The following ACP4 variants were observed in gnomAD, a reference collection of about 807,000 sequenced individuals.
ACP4 encodes the protein acid phosphatase 4, also known as testicular acid phosphatase.
A neutral mutation model predicts 47.3 loss-of-function variants in ACP4; 49 were observed. The observed-to-expected ratio is 1.04, with a 90% CI of 0.82 to 1.32. The LOEUF (loss-of-function observed/expected upper bound fraction) is 1.32, where lower values mean the gene tolerates loss of function less well. ACP4 is among the 40% of genes most tolerant of loss of function. The pLI is 0.00. For missense variants in ACP4, 594 were observed against 579.3 expected (o/e 1.03, Z -0.26); for synonymous variants, 299 against 265.3 (o/e 1.13, Z -1.23).
intron 6 of ACP4, 192 bp downstream of exon 6, chr19:50,792,529 C>T: frequency 3.3e-6 from 2 of 613,068 alleles, no homozygotes; most frequent in South Asian, 2.0e-5. Context: ...ATGGGTTAAT[C>T]CACGCACTGT....
chr19:50,792,164 G>A lies in ACP4; in HGVS notation c.542G>A (p.Gly181Asp), dbSNP rs1469927346. 6.2e-7 allele frequency: 1 copy of A among 1,610,184 alleles called. No individual in the cohort carries two copies. Among genetic ancestry groups the A allele is most frequent in the East Asian group, 2.2e-5 (1 of 44,850 alleles). ...GCCGAGTACCAGGAGGCCCTGGAGGGCTGGACGGTGAGCAGGGCGGCGGTG... is the reference window on the plus strand; with the variant it reads ...GCCGAGTACCAGGAGGCCCTGGAGGACTGGACGGTGAGCAGGGCGGCGGTG... The part of the protein sequence containing the change: ...EAAEYQEALE[G>D]WTGFLSRLEN... The change falls in exon 5 of 11, where the codon GGC (glycine) becomes GAC (aspartate). Residue 181 changes from glycine to aspartate, a missense_variant. Coordinates refer to ENST00000270593, the MANE Select transcript of ACP4 (RefSeq NM_033068.3).
intron 6 of ACP4, chr19:50,793,405 C>T (rs1345583230): frequency 1.9e-5 from 8 of 431,500 alleles, no homozygotes; most frequent in Non-Finnish European, 3.3e-5. Flanking sequence ...ATCACAGCTA[C>T]TTGGGAGGCT....
intron 9 of ACP4, 100 bp from the exon 10 acceptor site, chr19:50,794,686 G>A (rs927130722): frequency 1.9e-6 from 3 of 1,588,522 alleles, no homozygotes; most frequent in East Asian, 4.5e-5. Context: ...TGCATGGGAT[G>A]ATGCTGGGAG....
Position 50,793,920 on chromosome 19 carries a change from T to C in ACP4, c.811T>C (p.Ser271Pro), listed in dbSNP as rs745794520. 3.1e-6 allele frequency: 5 copies of C among 1,614,014 alleles called. No homozygotes were observed. Among genetic ancestry groups the C allele is most frequent in the Non-Finnish European group, 4.2e-6 (5 of 1,180,036 alleles). Reference protein sequence around the residue: ...ILLNAILANFSRVQRLGLPLK... With the variant: ...ILLNAILANFPRVQRLGLPLK... ...GCTGAATGCTATCCTTGCAAACTTC[T>C]CCCGGGTCCAGCGCCTGGGGCTGCC... The change falls in exon 8 of 11, where the codon TCC becomes CCC. Residue 271 changes from serine (S) to proline (P), a missense_variant. Ser to Pro is a moderately conservative substitution (Grantham distance 74, BLOSUM62 -1). Coordinates refer to ENST00000270593, the MANE Select transcript of ACP4 (RefSeq NM_033068.3).
chr19:50,790,902 C>T, intron 3 of ACP4, 42 bp downstream of exon 3: 2 of 1,512,062 alleles, frequency 1.3e-6, no homozygotes, highest in Non-Finnish European at 1.8e-6. Flanking sequence ...TGACCTCCCA[C>T]CTGTGACCTC....
chr19:50,790,758 G>T lies in ACP4; in HGVS notation c.217-16G>T. ...GAGGGGTGGGGAGTGGTAGGCTGAGGCTGTTCTGTCCCCAGGAGGGGGTCC... is the reference window on the plus strand; with the variant it reads ...GAGGGGTGGGGAGTGGTAGGCTGAGTCTGTTCTGTCCCCAGGAGGGGGTCC... On this transcript the variant is annotated splice_polypyrimidine_tract_variant and intron_variant, in intron 2 of 10. Coordinates refer to ENST00000270593, the MANE Select transcript of ACP4 (RefSeq NM_033068.3). 1 of 1,546,124 alleles carries T rather than the reference G, an allele frequency of 6.5e-7. No homozygotes were observed. The highest frequency in any genetic ancestry group is 8.7e-7 in the Non-Finnish European group (1 of 1,146,016).
chr19:50,791,829 G>C, intron 4 of ACP4, 27 bp downstream of exon 4: 1 of 1,566,928 alleles, frequency 6.4e-7, no homozygotes, highest in South Asian at 1.1e-5. Context: ...CACGTGTGGC[G>C]AGGGAGGGAG....
At chr19:50,792,547 A>C in intron 6 of ACP4, 1 of 585,844 alleles carries the variant, frequency 1.7e-6, no homozygotes. Context: ...TGTGCTTACA[A>C]TAGTGCCTGG....
At chr19:50,794,708 G>A in intron 9 of ACP4, 78 bp from the exon 10 acceptor site, 3 of 1,574,580 alleles carry the variant, frequency 1.9e-6, no homozygotes, top group Non-Finnish European at 2.6e-6. Context: ...ATGACAGGTG[G>A]GAGTCAGAAG....
chr19:50,795,012 G>A lies in ACP4; in HGVS notation c.1166-31G>A, dbSNP rs1436732398. 9 of 1,612,952 alleles carry A rather than the reference G, an allele frequency of 5.6e-6. No homozygotes were observed. In the African/African-American group the frequency reaches 8.0e-5, roughly 14 times the overall value. ...TGGGAGTGGAGGGTTGCCAAGTCCTGGCACTCACCCCCCGCGTGTTCTCCC... is the reference window on the plus strand; with the variant it reads ...TGGGAGTGGAGGGTTGCCAAGTCCTAGCACTCACCCCCCGCGTGTTCTCCC... On this transcript the variant is annotated intron_variant, in intron 10 of 10. Transcript: ENST00000270593.
At chr19:50,794,994 G>A (rs2089546048) in intron 10 of ACP4, 30 bp downstream of exon 10, 1 of 1,613,430 alleles carries the variant, frequency 6.2e-7, no homozygotes, top group Non-Finnish European at 8.5e-7. Context: ...GGGTGGGAGT[G>A]GAGGGTTGCC....
In ACP4 at chr19:50,791,755, C is replaced by A. The variant is rs149222498; in HGVS notation, c.403C>A (p.Arg135Ser). 86 of 1,612,608 alleles carry A rather than the reference C, an allele frequency of 5.3e-5. No homozygotes were observed. The highest frequency in any genetic ancestry group is 4.6e-5 in the Non-Finnish European group (54 of 1,179,710). The change falls in exon 4 of 11, where the codon CGC becomes AGC. Residue 135 changes from arginine (R) to serine (S), a missense_variant. Arg to Ser is a moderately radical substitution (Grantham distance 110). Coordinates refer to ENST00000270593, the MANE Select transcript of ACP4 (RefSeq NM_033068.3). ...GGCTGCTCCAGGGAGCCCCGAGGCC[C>A]GCTGGAGGCCGATCCCGGTGCACAC... is the stretch of plus-strand genomic sequence containing the variant. ...PEAAPGSPEARWRPIPVHTVP... is the reference protein window; with the variant it reads ...PEAAPGSPEASWRPIPVHTVP...
intron 8 of ACP4, 112 bp downstream of exon 8, chr19:50,794,082 G>A (rs1286225600): frequency 7.7e-7 from 1 of 1,293,630 alleles, no homozygotes; most frequent in Non-Finnish European, 1.1e-6. Context: ...CACTGCCTGG[G>A]GTAACCCGTA....
rs2089514154 is a variant in ACP4 at position 50,792,100 on chromosome 19, C to A, written c.478C>A (p.Pro160Thr). 3.1e-6 allele frequency: 5 copies of A among 1,599,062 alleles called. No individual in the cohort carries two copies. In the South Asian group the frequency reaches 5.6e-5, roughly 18 times the overall value. The change falls in exon 5 of 11, where the codon CCC (proline) becomes ACC (threonine). Residue 160 changes from proline to threonine, a missense_variant. Transcript: ENST00000270593. ...GCTGAGGTTCCCCATGCGCAGCTGT[C>A]CCCGATACCACGAGCTGCTGCGGGA... is the stretch of plus-strand genomic sequence containing the variant. Reference protein sequence around the residue: ...KLLRFPMRSCPRYHELLREAT... With the variant: ...KLLRFPMRSCTRYHELLREAT...
intron 4 of ACP4, 97 bp downstream of exon 4, chr19:50,791,899 C>T (rs1392426122): frequency 7.4e-6 from 11 of 1,487,562 alleles, no homozygotes; most frequent in Non-Finnish European, 9.0e-6. Context: ...AGAAGCAAGA[C>T]TGTCCTCGAG....
intron 8 of ACP4, 107 bp downstream of exon 8, chr19:50,794,077 C>G (rs2089533709): frequency 7.7e-7 from 1 of 1,303,876 alleles, no homozygotes; most frequent in African/African-American, 1.5e-5. Context: ...CAGCCCACTG[C>G]CTGGGGTAAC....
rs1029388411 is a variant in ACP4, at chr19:50,790,637, T to C, written c.155T>C (p.Met52Thr). The change falls in exon 2 of 11, where the codon ATG (methionine) becomes ACG (threonine). Residue 52 changes from methionine (M) to threonine (T), a missense_variant. Met to Thr is a moderately conservative substitution (Grantham distance 81). Coordinates refer to ENST00000270593, the MANE Select transcript of ACP4 (RefSeq NM_033068.3). The stretch of plus-strand genomic sequence containing the variant: ...CGGGCCCCGCTGGCCTCCTACCCCA[T>C]GGACCCACACAAGGAGGTGGCCTCC... ...GDRAPLASYP[M>T]DPHKEVASTL... 9 of 1,545,310 alleles carry C rather than the reference T, an allele frequency of 5.8e-6. No individual in the cohort carries two copies. Among genetic ancestry groups the C allele is most frequent in the Non-Finnish European group, 7.9e-6 (9 of 1,145,214 alleles).
At chr19:50,792,535 A>G in intron 6 of ACP4, 198 bp downstream of exon 6, 1 of 606,542 alleles carries the variant, frequency 1.6e-6, no homozygotes, top group Non-Finnish European at 2.9e-6. Flanking sequence ...TAATCCACGC[A>G]CTGTGCTTAC....
rs745823453 is a variant in ACP4, at chr19:50,791,682, C to T, written c.330C>T (p.Asp110=). Residue 110 remains aspartate, a synonymous_variant, in exon 4 of 11, where the codon GAC becomes GAT. Transcript: ENST00000270593. The part of the protein sequence containing the change: ...EEVYIRSTDF[D]RTLESAQANL... ...TGTACATCCGCAGCACGGACTTTGA[C>T]CGCACGCTGGAGAGTGCCCAGGCCA... 3.1e-6 allele frequency: 5 copies of T among 1,613,284 alleles called. No individual in the cohort carries two copies. Among genetic ancestry groups the T allele is most frequent in the African/African-American group, 1.3e-5 (1 of 75,056 alleles).
Sources: gnomAD v4.1 joint callset for allele counts on GRCh38, gnomAD v4.1.1 for gene constraint, MANE v1.5 for transcripts, NCBI Gene and HGNC (gene_info 2026-07-23, HGNC 2026-07-21) for gene names.